PLXNA4: variants seen among roughly 807,000 people sequenced by gnomAD.
PLXNA4 encodes the protein plexin-A4.
In PLXNA4, 44 loss-of-function variants were observed where a neutral mutation model predicts 191.8. The ratio of observed to expected loss-of-function variants is 0.23; its 90% CI spans 0.18 to 0.29. The LOEUF (loss-of-function observed/expected upper bound fraction) is 0.29. Ranked by LOEUF, PLXNA4 falls within the 10% of genes least tolerant of loss-of-function variation. PLXNA4 has a pLI of 1.00. For missense variants in PLXNA4, 1,800 were observed against 2,488.8 expected (o/e 0.72, Z 5.89); for synonymous variants, 1,082 against 1,009.5 (o/e 1.07, Z -1.36).
chr7:132,339,085 G>A (rs1397660577), intron 3 of PLXNA4, among the ~76,000 whole-genome samples: 1 of 152,168 alleles, frequency 6.6e-6, no homozygotes. Flanking sequence ...AGAAAGAGAA[G>A]GTCCCCACAA....
At chr7:132,214,107 T>G (rs1259852241) in intron 9 of PLXNA4, among the ~76,000 whole-genome samples, 1 of 152,120 alleles carries the variant, frequency 6.6e-6, no homozygotes, top group African/African-American at 2.4e-5. Flanking sequence ...ACAGGAGAGT[T>G]CCCACCAGTG....
chr7:132,428,295 C>G (rs1795127729), intron 3 of PLXNA4, among the ~76,000 whole-genome samples: 1 of 152,238 alleles, frequency 6.6e-6, no homozygotes, highest in Non-Finnish European at 1.5e-5. Context: ...TCTACCCACT[C>G]AGGCTGAAAT....
chr7:132,562,828 T>TCC (rs1801300964), intron 1 of PLXNA4, among the ~76,000 whole-genome samples: 3 of 78,870 alleles, frequency 3.8e-5, no homozygotes, highest in African/African-American at 5.4e-5. Context: ...TCCTCCTCCT[T>TCC]CTCCTCCTCC....
At chr7:132,440,803 C>T (rs1795672003) in intron 3 of PLXNA4, among the ~76,000 whole-genome samples, 1 of 152,144 alleles carries the variant, frequency 6.6e-6, no homozygotes, top group African/African-American at 2.4e-5. Flanking sequence ...TTAAAAATTG[C>T]ATCTGACTCT....
At chr7:132,579,438 C>T (rs201799485), upstream of PLXNA4, among the ~76,000 whole-genome samples, 521 of 145,456 alleles carry the variant, frequency 3.6e-3, 4 homozygotes, top group African/African-American at 0.012. Context: ...TGTGTGTGTG[C>T]GTGTGTGTGT....
chr7:132,487,040 C>T lies in PLXNA4; in HGVS notation c.1371+2252G>A, dbSNP rs770072276. Among the ~76,000 whole-genome samples the T allele has an allele frequency of 8.9e-4, 135 of 152,324 alleles. 1 individual carries two copies. Among genetic ancestry groups the T allele is most frequent in the Non-Finnish European group, 5.6e-4 (38 of 68,044 alleles). ...CCCTTGGACAAACAGCACAAAAATG[C>T]AAGTTGACTATCTTGGGTTTACAAT... On this transcript the variant is annotated intron_variant, in intron 3 of 31. Coordinates refer to ENST00000321063, the MANE Select transcript of PLXNA4 (RefSeq NM_020911.2).
At chr7:132,506,469 T>G (rs1306741432) in intron 2 of PLXNA4, among the ~76,000 whole-genome samples, 1 of 152,230 alleles carries the variant, frequency 6.6e-6, no homozygotes, top group African/African-American at 2.4e-5. Flanking sequence ...AGAATTGATG[T>G]TCTCAGACTA....
chr7:132,286,084 T>C (rs1369432574), intron 4 of PLXNA4, among the ~76,000 whole-genome samples: 3 of 152,140 alleles, frequency 2.0e-5, no homozygotes, highest in Non-Finnish European at 2.9e-5. Flanking sequence ...CCTAACTCCA[T>C]GAGAAAGTTG....
chr7:132,436,939 G>A (rs185738131), intron 3 of PLXNA4, among the ~76,000 whole-genome samples: 1 of 152,260 alleles, frequency 6.6e-6, no homozygotes, highest in Non-Finnish European at 1.5e-5. Context: ...TGCCACCCCT[G>A]CAGGAGCATG....
rs73446847 is a variant in PLXNA4 at position 132,547,354 on chromosome 7, T to C, written c.-87+29068A>G. Among the ~76,000 whole-genome samples the C allele has an allele frequency of 2.4e-3, 364 of 151,880 alleles. 3 individuals carry two copies. Among genetic ancestry groups the C allele is most frequent in the African/African-American group, 8.0e-3 (330 of 41,412 alleles). ...ATTGAACTTTAATCTGATTTCGGAG[T>C]CTTTACCTTGAAGTCTATACAGTAT... is the stretch of plus-strand genomic sequence containing the variant. On this transcript the variant is annotated intron_variant, in intron 1 of 31. Transcript: ENST00000321063.
chr7:132,259,872 C>T (rs982074130), intron 4 of PLXNA4, among the ~76,000 whole-genome samples: 9 of 152,164 alleles, frequency 5.9e-5, no homozygotes, highest in Non-Finnish European at 2.9e-5. Flanking sequence ...AGAAGCCAAT[C>T]TGAAAAGCCT....
chr7:132,398,219 T>C (rs906119262), intron 3 of PLXNA4, among the ~76,000 whole-genome samples: 1 of 152,224 alleles, frequency 6.6e-6, no homozygotes, highest in Non-Finnish European at 1.5e-5. Context: ...AATGAGATGA[T>C]CCATTTGAAA....
chr7:132,153,340 G>A (rs1280881147), intron 25 of PLXNA4, among the ~76,000 whole-genome samples: 1 of 152,122 alleles, frequency 6.6e-6, no homozygotes, highest in African/African-American at 2.4e-5. Flanking sequence ...CAAGGTGTCT[G>A]GAGCTGAGCT....
chr7:132,603,638 G>A (rs1282071527), intron 2 of PLXNA4, among the ~76,000 whole-genome samples: 1 of 152,180 alleles, frequency 6.6e-6, no homozygotes, highest in Non-Finnish European at 1.5e-5. Context: ...TTCTGCTATG[G>A]GAGGGGGCCT....
chr7:132,321,877 G>A (rs1329774090), intron 3 of PLXNA4, among the ~76,000 whole-genome samples: 1 of 152,108 alleles, frequency 6.6e-6, no homozygotes. Flanking sequence ...GTGGGGCGGA[G>A]GGGGCATAGG....
chr7:132,206,630 C>A lies in PLXNA4; in HGVS notation c.2299-3211G>T, dbSNP rs542408007. Among the ~76,000 whole-genome samples the A allele has an allele frequency of 2.0e-5, 3 of 152,262 alleles. No individual in the cohort carries two copies. In the South Asian group the frequency reaches 6.2e-4, roughly 32 times the overall value. On this transcript the variant is annotated intron_variant, in intron 10 of 31. Coordinates refer to ENST00000321063, the MANE Select transcript of PLXNA4 (RefSeq NM_020911.2). Reference sequence around the variant, plus strand: ...TTAACCCCATGTGCTCCCCCTCAGCCCCGCTCTGTCTCTAGGGAAGTTTCC... The same window carrying A: ...TTAACCCCATGTGCTCCCCCTCAGCACCGCTCTGTCTCTAGGGAAGTTTCC...
intron 1 of PLXNA4, among the ~76,000 whole-genome samples, chr7:132,524,780 G>T (rs1799332128): frequency 6.6e-6 from 1 of 152,064 alleles, no homozygotes; most frequent in South Asian, 2.1e-4. Flanking sequence ...TGTTAGCCAG[G>T]ATGGTATCGA....
chr7:132,330,524 T>G (rs1802549432), intron 3 of PLXNA4, among the ~76,000 whole-genome samples: 1 of 152,210 alleles, frequency 6.6e-6, no homozygotes, highest in Non-Finnish European at 1.5e-5. Context: ...CCTGAGTACT[T>G]CTTTACCGCA....
intron 2 of PLXNA4, among the ~76,000 whole-genome samples, chr7:132,630,476 T>C (rs1803472778): frequency 6.6e-6 from 1 of 152,178 alleles, no homozygotes; most frequent in South Asian, 2.1e-4. Flanking sequence ...GCTTCCTCAA[T>C]TTTGTAAACA....
Sources: allele counts gnomAD v4.1 joint callset (sites outside exome capture counted in the v4.1 genomes callset), GRCh38; gene constraint gnomAD v4.1.1; transcripts MANE v1.5; gene names NCBI Gene and HGNC (gene_info 2026-07-23, HGNC 2026-07-21).